The following LAMA3 variants were observed in gnomAD, a reference collection of about 807,000 sequenced individuals.
LAMA3 encodes laminin subunit alpha-3.
LAMA3 carries 281 observed loss-of-function variants against 402.0 expected under a neutral mutation model. The observed-to-expected ratio is 0.70, with a 90% CI of 0.63 to 0.77. The LOEUF is 0.77. Ranked by LOEUF, LAMA3 falls within the 30% of genes least tolerant of loss-of-function variation. The probability of loss-of-function intolerance (pLI) is 0.00; values close to 1 mark genes in which losing one functional copy is unlikely to be tolerated. For synonymous variants in LAMA3, 1,431 were observed against 1,558.4 expected (o/e 0.92, Z 1.93); for missense variants, 3,840 against 4,215.5 (o/e 0.91, Z 2.47).
chr18:23,830,145 A>G (rs1025179189), intron 23 of LAMA3, among the ~76,000 whole-genome samples: 5 of 152,020 alleles, frequency 3.3e-5, no homozygotes, highest in African/African-American at 1.2e-4. Context: ...TTTATCACCT[A>G]TTACTTTTGA....
chr18:23,850,845 C>G (rs1249412496), intron 32 of LAMA3, among the ~76,000 whole-genome samples: 1 of 152,194 alleles, frequency 6.6e-6, no homozygotes, highest in African/African-American at 2.4e-5. Context: ...AGCTGGAGAT[C>G]CCTGGTAGTA....
rs561544288 is a variant in LAMA3, at chr18:23,921,027, C to T, written c.8016C>T (p.Asp2672=). 20 of 1,614,010 alleles carry T rather than the reference C, an allele frequency of 1.2e-5. No homozygotes were observed. The highest frequency in any genetic ancestry group is 2.7e-5 in the African/African-American group (2 of 75,040). ...TACCAAAAGAGAGAGGAGTTGGAGACGCCATAAACAACGGCAGAGACCATT... is the reference window on the plus strand; with the variant it reads ...TACCAAAAGAGAGAGGAGTTGGAGATGCCATAAACAACGGCAGAGACCATT... The part of the protein sequence containing the change: ...SELPKERGVG[D]AINNGRDHSI... Residue 2672 remains aspartate (D), a synonymous_variant, in exon 61 of 75, where the codon GAC becomes GAT. Transcript: ENST00000313654.
intron 12 of LAMA3, among the ~76,000 whole-genome samples, chr18:23,801,531 A>T (rs1016162893): frequency 6.6e-6 from 1 of 152,200 alleles, no homozygotes; most frequent in Non-Finnish European, 1.5e-5. Flanking sequence ...CCTTTCATAT[A>T]CAAATTCCCT....
chr18:23,755,375 T>C (rs1367771783), intron 6 of LAMA3, among the ~76,000 whole-genome samples: 3 of 152,184 alleles, frequency 2.0e-5, no homozygotes, highest in Non-Finnish European at 2.9e-5. Context: ...GGTGAAAGGC[T>C]CAGTTTGGCA....
rs771073488 is a variant in LAMA3 at position 23,842,637 on chromosome 18, C to T, written c.3490C>T (p.His1164Tyr). The part of the protein sequence containing the change: ...AGSFHASFCP[H>Y]VLGCRDQVIA... ...CTCCTTCCATGCCTCTTTTTGCCCC[C>T]ATGTGCTTGGCTGCCGGGATCAAGT... Residue 1164 changes from histidine (H) to tyrosine (Y), a missense_variant, in exon 29 of 75, where the codon CAT becomes TAT. His to Tyr is a moderately conservative substitution (Grantham distance 83). Coordinates refer to ENST00000313654, the MANE Select transcript of LAMA3 (RefSeq NM_198129.4). 4.3e-6 allele frequency: 7 copies of T among 1,614,198 alleles called. No homozygotes were observed. The highest frequency in any genetic ancestry group is 5.9e-6 in the Non-Finnish European group (7 of 1,180,040).
chr18:23,830,014 T>G (rs886247166), intron 23 of LAMA3, among the ~76,000 whole-genome samples: 5 of 152,224 alleles, frequency 3.3e-5, no homozygotes, highest in Non-Finnish European at 2.9e-5. Flanking sequence ...GGCACATGTT[T>G]TATTCTCTTA....
intron 68 of LAMA3, among the ~76,000 whole-genome samples, chr18:23,940,943 T>C (rs2082484126): frequency 1.3e-5 from 2 of 148,858 alleles, no homozygotes; most frequent in Admixed American, 1.3e-4. Context: ...TCTTTTCTTT[T>C]TTTTTTTTTT....
chr18:23,892,651 C>A (rs548556141), intron 42 of LAMA3, among the ~76,000 whole-genome samples: 66 of 151,818 alleles, frequency 4.3e-4, no homozygotes, highest in African/African-American at 1.5e-3. Flanking sequence ...GCCTGTAATC[C>A]CAGCACTTTG....
At chr18:23,847,421 C>T (rs573228935) in intron 31 of LAMA3, 43 bp from the exon 32 acceptor site, 79 of 1,591,092 alleles carry the variant, frequency 5.0e-5, no homozygotes, top group Admixed American at 4.0e-4. Flanking sequence ...GGAGCCCAGG[C>T]GGCCTTTGAC....
intron 18 of LAMA3, 33 bp downstream of exon 18, chr18:23,816,520 G>A: frequency 3.2e-6 from 5 of 1,547,010 alleles, no homozygotes; most frequent in Non-Finnish European, 4.5e-6. Context: ...CCCATGTTCA[G>A]GGTGTGAAAG....
At chr18:23,731,791 T>G (rs2061398727) in intron 2 of LAMA3, among the ~76,000 whole-genome samples, 1 of 151,894 alleles carries the variant, frequency 6.6e-6, no homozygotes, top group African/African-American at 2.4e-5. Flanking sequence ...GGGAAAGGGT[T>G]GGGAAACTAC....
In LAMA3 at chr18:23,905,540, C is replaced by G; in HGVS notation, c.6634C>G (p.Leu2212Val). The G allele has an allele frequency of 6.2e-7, 1 of 1,605,186 alleles. No individual in the cohort carries two copies. Among genetic ancestry groups the G allele is most frequent in the African/African-American group, 1.3e-5 (1 of 74,852 alleles). The change falls in exon 52 of 75, where the codon CTG (leucine) becomes GTG (valine). Residue 2212 changes from leucine to valine, a missense_variant. Leu to Val is a conservative substitution (Grantham distance 32). This residue lies in a region of LAMA3 where 891 missense variants were observed against 857.5 expected (regional missense o/e 1.04). Coordinates refer to ENST00000313654, the MANE Select transcript of LAMA3 (RefSeq NM_198129.4). ...CTTTCAGACAGTGATAAAGGAAGATCTGCCAAGAAAAGCTAAAACCCTGAG... is the reference window on the plus strand; with the variant it reads ...CTTTCAGACAGTGATAAAGGAAGATGTGCCAAGAAAAGCTAAAACCCTGAG... ...SALQTVIKED[L>V]PRKAKTLSSN...
chr18:23,834,094 C>G (rs2063537653), intron 24 of LAMA3, 106 bp downstream of exon 24: 15 of 1,347,614 alleles, frequency 1.1e-5, no homozygotes, highest in Non-Finnish European at 1.5e-5. Flanking sequence ...CTTTTTGAGG[C>G]AGCTCTTGAA....
chr18:23,928,062 C>A, intron 62 of LAMA3, 61 bp from the exon 63 acceptor site: 2 of 1,177,992 alleles, frequency 1.7e-6, no homozygotes, highest in African/African-American at 1.5e-5. Context: ...AGCGTTTCAG[C>A]TCTGATTTCA....
Position 23,846,470 on chromosome 18 carries a change from G to C in LAMA3, c.3893G>C (p.Arg1298Pro). 1.2e-6 allele frequency: 2 copies of C among 1,612,562 alleles called. No individual in the cohort carries two copies. Among genetic ancestry groups the C allele is most frequent in the East Asian group, 2.2e-5 (1 of 44,892 alleles). The change falls in exon 31 of 75, where the codon CGC becomes CCC. Residue 1298 changes from arginine (R) to proline (P), a missense_variant. Physicochemically the swap from Arg to Pro is moderately radical, Grantham distance 103. Around this residue, in one of 3 missense-constraint regions of LAMA3, gnomAD observed 2,109 missense variants for 2,376.0 expected, o/e 0.89. Transcript: ENST00000313654. The stretch of plus-strand genomic sequence containing the variant: ...AACGTCATCGGGCGGCAGTGCACCC[G>C]CTGTGCAACAGGCCACTACGGATTC... ...QPNVIGRQCTRCATGHYGFPR... is the reference protein window; with the variant it reads ...QPNVIGRQCTPCATGHYGFPR...
At chr18:23,910,740 A>T (rs1481539546) in intron 55 of LAMA3, among the ~76,000 whole-genome samples, 1 of 152,194 alleles carries the variant, frequency 6.6e-6, no homozygotes, top group Non-Finnish European at 1.5e-5. Context: ...ACAATAGCAA[A>T]CCTGAATGAG....
chr18:23,806,213 T>C (rs972858018), intron 12 of LAMA3, among the ~76,000 whole-genome samples: 1 of 152,258 alleles, frequency 6.6e-6, no homozygotes, highest in Admixed American at 6.5e-5. Flanking sequence ...GGGGCCCAAT[T>C]ACCCCCATTG....
At chr18:23,847,788 C>A in intron 32 of LAMA3, 120 bp downstream of exon 32, 1 of 982,468 alleles carries the variant, frequency 1.0e-6, no homozygotes, top group South Asian at 1.4e-5. Flanking sequence ...GTGTTGACCT[C>A]GGCATGAGCT....
At chr18:23,708,110 C>A (rs2060923810) in intron 1 of LAMA3, among the ~76,000 whole-genome samples, 1 of 152,054 alleles carries the variant, frequency 6.6e-6, no homozygotes. Context: ...TTGAGTAGAA[C>A]TCTGATTTTA....
Sources: gnomAD v4.1 joint callset for allele counts (sites outside exome capture counted in the v4.1 genomes callset) on GRCh38, gnomAD v4.1.1 for gene constraint, gnomAD v4.1.1 regional missense constraint, MANE v1.5 for transcripts, NCBI Gene and HGNC (gene_info 2026-07-23, HGNC 2026-07-21) for gene names.